Variants in SNTG1 observed in about 807,000 individuals in gnomAD.
The protein encoded by SNTG1 is gamma-1-syntrophin.
A neutral mutation model predicts 74.7 loss-of-function variants in SNTG1; 39 were observed. The ratio of observed to expected loss-of-function variants is 0.52; its 90% CI spans 0.40 to 0.68. SNTG1 has a LOEUF of 0.68. Ranked by LOEUF, SNTG1 falls within the 30% of genes least tolerant of loss-of-function variation. The pLI is 0.00. For missense variants in SNTG1, 685 were observed against 609.5 expected, an observed-to-expected ratio of 1.12 and a Z score of -1.30; for synonymous variants, 254 against 217.1, an observed-to-expected ratio of 1.17 and a Z score of -1.49.
intron 18 of SNTG1, among the ~76,000 whole-genome samples, chr8:50,756,952 G>A (rs2131721127): frequency 6.6e-6 from 1 of 151,712 alleles, no homozygotes; most frequent in South Asian, 2.1e-4. Context: ...GAGTTTGATA[G>A]TTTTCCTCTT....
chr8:50,466,999 C>G (rs1587719482), intron 8 of SNTG1, among the ~76,000 whole-genome samples: 1 of 151,946 alleles, frequency 6.6e-6, no homozygotes, highest in African/African-American at 2.4e-5. Context: ...TTGATTCATA[C>G]ATGCTTAACT....
intron 2 of SNTG1, among the ~76,000 whole-genome samples, chr8:50,215,962 T>A (rs539651597): frequency 2.0e-5 from 3 of 152,306 alleles, no homozygotes; most frequent in Admixed American, 2.0e-4. Flanking sequence ...TTAACAAATC[T>A]ATCAAGATTT....
At chr8:50,275,669 G>C (rs1464443726) in intron 2 of SNTG1, among the ~76,000 whole-genome samples, 1 of 152,098 alleles carries the variant, frequency 6.6e-6, no homozygotes, top group African/African-American at 2.4e-5. Flanking sequence ...CCCCACCTAA[G>C]TCCGGGCCCC....
chr8:50,428,915 T>C (rs1370330457), intron 4 of SNTG1, among the ~76,000 whole-genome samples: 1 of 152,086 alleles, frequency 6.6e-6, no homozygotes, highest in East Asian at 1.9e-4. Flanking sequence ...GCATCAAAAA[T>C]ACTTAGGAAT....
chr8:50,370,961 A>G (rs2092254443), intron 2 of SNTG1, among the ~76,000 whole-genome samples: 1 of 152,144 alleles, frequency 6.6e-6, no homozygotes, highest in Non-Finnish European at 1.5e-5. Context: ...GAGGATTTTA[A>G]TAATTTGTTT....
intron 13 of SNTG1, among the ~76,000 whole-genome samples, chr8:50,648,237 C>G (rs999557344): frequency 6.6e-6 from 1 of 152,076 alleles, no homozygotes; most frequent in Non-Finnish European, 1.5e-5. Flanking sequence ...AAACTGCATA[C>G]AGTGATGATA....
chr8:50,791,094 T>A (rs772948714), intron 18 of SNTG1, among the ~76,000 whole-genome samples: 1 of 151,942 alleles, frequency 6.6e-6, no homozygotes, highest in African/African-American at 2.4e-5. Flanking sequence ...TTAGGTGGAT[T>A]TAATTTGGGA....
intron 1 of SNTG1, among the ~76,000 whole-genome samples, chr8:50,112,515 CTTTTTTTTTTTT>C (rs34942560): frequency 1.3e-5 from 1 of 77,582 alleles, no homozygotes; most frequent in Non-Finnish European, 2.2e-5. Flanking sequence ...TTAGTTCTTT[CTTTTTTTTTTTT>C]TTTTTTTTTT....
intron 1 of SNTG1, among the ~76,000 whole-genome samples, chr8:50,093,010 C>A (rs1276827600): frequency 6.6e-6 from 1 of 152,032 alleles, no homozygotes; most frequent in East Asian, 1.9e-4. Flanking sequence ...AAGGAGAATT[C>A]TCAAGAGCAA....
chr8:50,783,702 C>T (rs1042564595), intron 18 of SNTG1, among the ~76,000 whole-genome samples: 5 of 152,190 alleles, frequency 3.3e-5, no homozygotes, highest in African/African-American at 1.2e-4. Context: ...GCGCTGCACC[C>T]AGTGTCCTGC....
chr8:50,273,573 G>C (rs2087906995), intron 2 of SNTG1, among the ~76,000 whole-genome samples: 1 of 152,202 alleles, frequency 6.6e-6, no homozygotes, highest in Admixed American at 6.5e-5. Flanking sequence ...GTTGTTCGGT[G>C]TCATGGGTAT....
intron 18 of SNTG1, among the ~76,000 whole-genome samples, chr8:50,774,489 G>A (rs1178281968): frequency 6.6e-6 from 1 of 151,588 alleles, no homozygotes; most frequent in Non-Finnish European, 1.5e-5. Flanking sequence ...CATATAAGAG[G>A]TTCTTATTTA....
At chr8:50,023,032 T>C (rs1446131201) in intron 1 of SNTG1, among the ~76,000 whole-genome samples, 1 of 152,118 alleles carries the variant, frequency 6.6e-6, no homozygotes, top group Non-Finnish European at 1.5e-5. Flanking sequence ...GAATATACGA[T>C]AGGAAAACTA....
At chr8:50,165,443 T>C (rs2082578962) in intron 1 of SNTG1, among the ~76,000 whole-genome samples, 1 of 152,216 alleles carries the variant, frequency 6.6e-6, no homozygotes, top group Admixed American at 6.5e-5. Flanking sequence ...TTATTTTGTG[T>C]CCTGTATACT....
At chr8:50,588,794 A>G (rs1385169300) in intron 12 of SNTG1, among the ~76,000 whole-genome samples, 1 of 152,156 alleles carries the variant, frequency 6.6e-6, no homozygotes, top group Non-Finnish European at 1.5e-5. Context: ...TCCACTTTAA[A>G]GAATATTACT....
chr8:50,215,255 A>AT (rs929954903), intron 2 of SNTG1, among the ~76,000 whole-genome samples: 1 of 151,910 alleles, frequency 6.6e-6, no homozygotes, highest in Non-Finnish European at 1.5e-5. Context: ...TGATGTTTTT[A>AT]TTTTTTTATA....
At chr8:50,468,235 TA>T (rs1331454024) in intron 8 of SNTG1, among the ~76,000 whole-genome samples, 1 of 152,076 alleles carries the variant, frequency 6.6e-6, no homozygotes, top group Non-Finnish European at 1.5e-5. Context: ...CATTATAGGC[TA>T]AAATTATAAT....
At chr8:50,545,940 TA>T (rs2094384425) in intron 11 of SNTG1, among the ~76,000 whole-genome samples, 1 of 152,102 alleles carries the variant, frequency 6.6e-6, no homozygotes, top group African/African-American at 2.4e-5. Flanking sequence ...TGACTTATAG[TA>T]AATACTTAAT....
At chr8:50,739,155 A>G (rs1170755143) in intron 17 of SNTG1, among the ~76,000 whole-genome samples, 1 of 152,050 alleles carries the variant, frequency 6.6e-6, no homozygotes, top group African/African-American at 2.4e-5. Flanking sequence ...AAGTTTTACA[A>G]TCTATCAATC....
Sources: gnomAD v4.1 joint callset for allele counts (sites outside exome capture counted in the v4.1 genomes callset) on GRCh38, gnomAD v4.1.1 for gene constraint, MANE v1.5 for transcripts, NCBI Gene and HGNC (gene_info 2026-07-23, HGNC 2026-07-21) for gene names.